Variants in ASCC3 observed in about 807,000 individuals in gnomAD.
ASCC3 encodes the protein activating signal cointegrator 1 complex subunit 3, also known as ASC-1 complex subunit P200.
In ASCC3, 158 loss-of-function variants were observed where a neutral mutation model predicts 256.3. The observed-to-expected ratio is 0.62, with a 90% CI of 0.54 to 0.70. The LOEUF (loss-of-function observed/expected upper bound fraction) is 0.70. Among genes scored for constraint, ASCC3 ranks in the 30% least tolerant of loss-of-function variants. The pLI is 0.00. For synonymous variants in ASCC3, 948 were observed against 883.4 expected (o/e 1.07, Z -1.30); for missense variants, 2,259 against 2,626.0 (o/e 0.86, Z 3.05).
At chr6:100,834,184 T>C (rs995135850) in intron 4 of ASCC3, among the ~76,000 whole-genome samples, 2 of 152,370 alleles carry the variant, frequency 1.3e-5, no homozygotes, top group Admixed American at 6.5e-5. Flanking sequence ...GGTTGTTTTC[T>C]ATGAGATTTG....
rs749884699 is a variant in ASCC3 at position 100,589,598 on chromosome 6, T to C, written c.5550+36A>G. ...AGGTGGCAAAACTTTAAGCCCTAAATTAAAAGAGAAGATATGAAATATATG... is the reference window on the plus strand; with the variant it reads ...AGGTGGCAAAACTTTAAGCCCTAAACTAAAAGAGAAGATATGAAATATATG... On this transcript the variant is annotated intron_variant, in intron 36 of 41. Coordinates refer to ENST00000369162, the MANE Select transcript of ASCC3 (RefSeq NM_006828.4). 5.0e-6 allele frequency: 8 copies of C among 1,611,030 alleles called. No homozygotes were observed. In the South Asian group the frequency reaches 7.7e-5, roughly 16 times the overall value.
At chr6:100,532,552 A>G (rs796555410) in intron 37 of ASCC3, among the ~76,000 whole-genome samples, 6 of 151,802 alleles carry the variant, frequency 4.0e-5, no homozygotes, top group African/African-American at 1.2e-4. Flanking sequence ...GAAATGTAAT[A>G]CTTCAAATGT....
intron 10 of ASCC3, among the ~76,000 whole-genome samples, chr6:100,757,268 AC>A (rs1308628298): frequency 3.3e-5 from 5 of 151,938 alleles, no homozygotes; most frequent in African/African-American, 4.8e-5. Context: ...ACACACACAC[AC>A]CACCAACAAC....
At chr6:100,677,205 T>C (rs1777068649) in intron 14 of ASCC3, among the ~76,000 whole-genome samples, 1 of 152,114 alleles carries the variant, frequency 6.6e-6, no homozygotes, top group African/African-American at 2.4e-5. Context: ...TCTAGAGCTC[T>C]GAGAAAATAT....
chr6:100,569,475 TG>T (rs1770470634), intron 36 of ASCC3, among the ~76,000 whole-genome samples: 1 of 151,846 alleles, frequency 6.6e-6, no homozygotes, highest in African/African-American at 2.4e-5. Context: ...CTCTGCCTCC[TG>T]GGTTCACACC....
At chr6:100,652,198 G>C (rs1445730162) in intron 18 of ASCC3, among the ~76,000 whole-genome samples, 1 of 152,098 alleles carries the variant, frequency 6.6e-6, no homozygotes, top group Non-Finnish European at 1.5e-5. Context: ...AACAGGTTTA[G>C]GATATAGAGT....
intron 5 of ASCC3, among the ~76,000 whole-genome samples, chr6:100,801,693 T>C (rs1769924633): frequency 6.6e-6 from 1 of 151,882 alleles, no homozygotes; most frequent in Non-Finnish European, 1.5e-5. Flanking sequence ...GAAAAAAGCA[T>C]TTTCCTAAGT....
intron 36 of ASCC3, among the ~76,000 whole-genome samples, chr6:100,586,693 G>C (rs1206658900): frequency 6.6e-6 from 1 of 152,162 alleles, no homozygotes; most frequent in Non-Finnish European, 1.5e-5. Flanking sequence ...GCTGGGAGCT[G>C]TAGACCTGAG....
chr6:100,624,675 TA>T (rs1242192056), intron 30 of ASCC3, among the ~76,000 whole-genome samples: 2 of 151,914 alleles, frequency 1.3e-5, no homozygotes, highest in Non-Finnish European at 2.9e-5. Flanking sequence ...GAGAAAAATC[TA>T]CAATAATAAG....
intron 13 of ASCC3, among the ~76,000 whole-genome samples, chr6:100,696,621 TC>T (rs34979841): frequency 6.6e-6 from 1 of 151,918 alleles, no homozygotes. Context: ...TGTAAAATAC[TC>T]CCAATGGATG....
At chr6:100,580,163 C>T (rs964439011) in intron 36 of ASCC3, among the ~76,000 whole-genome samples, 42 of 151,816 alleles carry the variant, frequency 2.8e-4, no homozygotes, top group African/African-American at 8.9e-4. Context: ...TACTGATTTG[C>T]GTACACTAAT....
At chr6:100,731,540 A>C (rs1779902552) in intron 10 of ASCC3, among the ~76,000 whole-genome samples, 1 of 152,234 alleles carries the variant, frequency 6.6e-6, no homozygotes, top group East Asian at 1.9e-4. Context: ...AATGTCTCGT[A>C]GAGCAGGCGT....
intron 27 of ASCC3, among the ~76,000 whole-genome samples, chr6:100,628,542 A>G (rs761440799): frequency 2.0e-5 from 3 of 152,014 alleles, no homozygotes; most frequent in Non-Finnish European, 2.9e-5. Flanking sequence ...GTGAATTCTC[A>G]TGAGACCTAG....
At chr6:100,568,786 A>T (rs1047992835) in intron 36 of ASCC3, among the ~76,000 whole-genome samples, 1,993 of 137,064 alleles carry the variant, frequency 0.015, 47 homozygotes, top group African/African-American at 0.057. Flanking sequence ...TATTATTATT[A>T]TTATTTTTTG....
chr6:100,865,586 T>A (rs1216024228), intron 2 of ASCC3, among the ~76,000 whole-genome samples: 1 of 152,138 alleles, frequency 6.6e-6, no homozygotes, highest in African/African-American at 2.4e-5. Context: ...AAAAAATCTA[T>A]CACAAACCTG....
Position 100,848,589 on chromosome 6 carries a change from G to A in ASCC3, c.360C>T (p.Gly120=), listed in dbSNP as rs757427900. 6 of 1,614,098 alleles carry A rather than the reference G, an allele frequency of 3.7e-6. No homozygotes were observed. The highest frequency in any genetic ancestry group is 2.7e-5 in the African/African-American group (2 of 75,038). ...KETKAIKQMF[G]PFPSSSATAA... is the part of the protein sequence containing the mutation. ...CAGTGGCAGATGATGAAGGAAAGGG[G>A]CCAAACATCTGTTTGATAGCCTTTG... is the stretch of plus-strand genomic sequence containing the variant. The change falls in exon 4 of 42, where the codon GGC becomes GGT. Residue 120 remains glycine, a synonymous_variant. Coordinates refer to ENST00000369162, the MANE Select transcript of ASCC3 (RefSeq NM_006828.4).
At chr6:100,732,452 GA>G (rs1779946933) in intron 10 of ASCC3, among the ~76,000 whole-genome samples, 1 of 152,096 alleles carries the variant, frequency 6.6e-6, no homozygotes, top group Non-Finnish European at 1.5e-5. Context: ...AAAGGCTACT[GA>G]AAATGACCGT....
In ASCC3 at chr6:100,605,668, G is replaced by GT; in HGVS notation, c.5076_5077insA (p.Pro1693ThrfsTer5). On this transcript the variant is annotated frameshift_variant, in exon 33 of 42. Transcript: ENST00000369162. LOFTEE classifies it high-confidence loss of function. ...GCTTTGCCTTGGTCATCGAACTGCG[G>GT]CCTCCCAGCACGCCCCATCATCTGG... 1 of 1,613,242 alleles carries GT rather than the reference G, an allele frequency of 6.2e-7. No individual in the cohort carries two copies. The highest frequency in any genetic ancestry group is 8.5e-7 in the Non-Finnish European group (1 of 1,179,428).
rs572350488 is a variant in ASCC3, at chr6:100,726,486, C to T, written c.1738-783G>A. ...AAAATTTTCAGATATCAGAAAGCAT[C>T]CCTAATTTGAAAATCCAAAATCCAA... On this transcript the variant is annotated intron_variant, in intron 10 of 41. Transcript: ENST00000369162. 1.5e-3 allele frequency among the ~76,000 whole-genome samples: 230 copies of T among 152,030 alleles called. 1 individual carries two copies. Among genetic ancestry groups the T allele is most frequent in the African/African-American group, 5.4e-3 (224 of 41,530 alleles).
Sources: allele counts gnomAD v4.1 joint callset (sites outside exome capture counted in the v4.1 genomes callset), GRCh38; gene constraint gnomAD v4.1.1; transcripts MANE v1.5; gene names NCBI Gene and HGNC (gene_info 2026-07-23, HGNC 2026-07-21).